The following PML variants were observed in gnomAD, a reference collection of about 807,000 sequenced individuals.
PML encodes the protein PML nuclear body scaffold.
In PML, 28 loss-of-function variants were observed where a neutral mutation model predicts 65.2. The ratio of observed to expected loss-of-function variants is 0.43; its 90% CI spans 0.32 to 0.59. The LOEUF (loss-of-function observed/expected upper bound fraction) is 0.59, where lower values mean the gene tolerates loss of function less well. Among genes scored for constraint, PML ranks in the 20% least tolerant of loss-of-function variants. The pLI is 0.08. For synonymous variants in PML, 500 were observed against 508.8 expected, an observed-to-expected ratio of 0.98 and a Z score of 0.23; for missense variants, 1,021 against 1,203.4, an observed-to-expected ratio of 0.85 and a Z score of 2.24.
Position 73,998,232 on chromosome 15 carries a change from C to A in PML, c.358C>A (p.Arg120=). The change falls in exon 2 of 9, where the codon CGG becomes AGG. Residue 120 remains arginine (R), a synonymous_variant. Coordinates refer to ENST00000268058, the MANE Select transcript of PML (RefSeq NM_033238.3). ...ESLQRRLSVY[R]QIVDAQAVCT... ...TCTGCAGCGGCGCCTGTCGGTGTAC[C>A]GGCAGATTGTGGATGCGCAGGCTGT... 1 of 1,614,180 alleles carries A rather than the reference C, an allele frequency of 6.2e-7. No individual in the cohort carries two copies. The highest frequency in any genetic ancestry group is 8.5e-7 in the Non-Finnish European group (1 of 1,180,022).
chr15:74,017,384 C>T (rs978153419), intron 2 of PML, among the ~76,000 whole-genome samples: 6 of 152,236 alleles, frequency 3.9e-5, no homozygotes, highest in African/African-American at 9.6e-5. Context: ...CAGTGGCTCA[C>T]GCCTGTGATC....
chr15:74,011,997 C>T (rs2070354395), intron 2 of PML, among the ~76,000 whole-genome samples: 1 of 152,194 alleles, frequency 6.6e-6, no homozygotes, highest in Non-Finnish European at 1.5e-5. Context: ...TAGAGTGTAT[C>T]TTAAGTAAGC....
chr15:74,037,631 G>A lies in PML; in HGVS notation c.1710+3101G>A, dbSNP rs1407997139. On this transcript the variant is annotated intron_variant, in intron 7 of 8. Transcript: ENST00000268058. This position sits in a 1 kb window ranked among gnomAD's most constrained non-coding sequence, Gnocchi z 4.2. Reference sequence around the variant, plus strand: ...CCGCCAGTACCAGGGTGGCCTCTGTGCCTCTAGGTGCAGTGTCGCGTTTAG... The same window carrying A: ...CCGCCAGTACCAGGGTGGCCTCTGTACCTCTAGGTGCAGTGTCGCGTTTAG... 4 of 985,226 alleles carry A rather than the reference G, an allele frequency of 4.1e-6. No individual in the cohort carries two copies. The highest frequency in any genetic ancestry group is 6.1e-5 in the Admixed American group (1 of 16,266). 61.0% of individuals were successfully genotyped at this position (985,226 alleles called of 1,614,324 possible).
At chr15:74,026,677 G>A (rs1332880316) in intron 4 of PML, 1 of 152,088 alleles carries the variant, frequency 6.6e-6, no homozygotes, top group African/African-American at 2.4e-5. Context: ...TTTTGAGACA[G>A]TCTTGCTCTG....
intron 1 of PML, among the ~76,000 whole-genome samples, chr15:73,995,692 T>TATTAA (rs2069450320): frequency 6.6e-6 from 1 of 152,344 alleles, no homozygotes; most frequent in East Asian, 1.9e-4. Context: ...CCAGGTACTG[T>TATTAA]ATTAAGCACT....
chr15:74,037,905 C>A lies in PML; in HGVS notation c.1710+3375C>A, dbSNP rs774955600. Among the ~76,000 whole-genome samples, 1 of 152,172 alleles carries A rather than the reference C, an allele frequency of 6.6e-6. No homozygotes were observed. Among genetic ancestry groups the A allele is most frequent in the African/African-American group, 2.4e-5 (1 of 41,424 alleles). ...ATACCCAACACTCGCACCTGCCTGC[C>A]AGACCAGCATGGCCAGTGACCTTCC... On this transcript the variant is annotated intron_variant, in intron 7 of 8. Transcript: ENST00000268058. This position sits in a 1 kb window ranked among gnomAD's most constrained non-coding sequence, Gnocchi z 4.2.
At chr15:73,999,767 T>G (rs1003559710) in intron 2 of PML, among the ~76,000 whole-genome samples, 4 of 152,192 alleles carry the variant, frequency 2.6e-5, no homozygotes, top group African/African-American at 9.7e-5. Flanking sequence ...TGATTGAAAT[T>G]GCAATAAATT....
rs1449998975 is a variant in PML at position 73,998,369 on chromosome 15, C to T, written c.495C>T (p.Pro165=). The change falls in exon 2 of 9, where the codon CCC becomes CCT. Residue 165 remains proline (P), a synonymous_variant. Transcript: ENST00000268058. ...HQWFLKHEAR[P]LAELRNQSVR... ...GGTTCCTCAAGCACGAGGCCCGGCC[C>T]CTAGCAGAGCTGCGCAACCAGTCGG... is the stretch of plus-strand genomic sequence containing the variant. The T allele has an allele frequency of 1.2e-6, 2 of 1,614,174 alleles. No homozygotes were observed.
chr15:74,034,546 G>A lies in PML; in HGVS notation c.1710+16G>A, dbSNP rs199650015. On this transcript the variant is annotated intron_variant, in intron 7 of 8. Transcript: ENST00000268058. ...CGAAAACTCGGTGAGTGGCCCAGAAGTTCAGCCCAGGACTCCTGCCTCCCC... is the reference window on the plus strand; with the variant it reads ...CGAAAACTCGGTGAGTGGCCCAGAAATTCAGCCCAGGACTCCTGCCTCCCC... 2.0e-5 allele frequency: 32 copies of A among 1,614,172 alleles called. No individual in the cohort carries two copies. The African/African-American group carries it at 3.6e-4, about 18-fold the overall frequency.
At chr15:74,044,179 CTG>C in intron 8 of PML, 40 bp from the exon 9 acceptor site, 1 of 1,603,172 alleles carries the variant, frequency 6.2e-7, no homozygotes, top group Non-Finnish European at 8.5e-7. Context: ...CCAGAGCTCT[CTG>C]TGACCCTGGG....
chr15:74,019,655 A>T (rs1187833289), intron 2 of PML, among the ~76,000 whole-genome samples: 1 of 152,200 alleles, frequency 6.6e-6, no homozygotes, highest in South Asian at 2.1e-4. Flanking sequence ...GTAGCATCTG[A>T]TACACACATT....
chr15:74,017,282 C>T (rs925397763), intron 2 of PML, among the ~76,000 whole-genome samples: 1 of 152,214 alleles, frequency 6.6e-6, no homozygotes, highest in African/African-American at 2.4e-5. Flanking sequence ...TAACTTCATT[C>T]CTGCCCCCTA....
intron 6 of PML, chr15:74,034,047 C>T (rs1239282784): frequency 1.2e-5 from 4 of 346,776 alleles, no homozygotes; most frequent in Non-Finnish European, 2.2e-5. Context: ...ATATTCCTTA[C>T]CCACAAATGC....
In PML at chr15:73,994,719, T is replaced by G. The variant is rs918018116; in HGVS notation, c.-94T>G. 3.5e-5 allele frequency: 48 copies of G among 1,371,586 alleles called. No homozygotes were observed. The highest frequency in any genetic ancestry group is 3.1e-5 in the Non-Finnish European group (31 of 985,592). 85.0% of individuals were successfully genotyped at this position (1,371,586 alleles called of 1,614,324 possible). Reference sequence around the variant, plus strand: ...GCCGGCACCTCCCCTTTCGGACAGCTCAAGGGACTCAGCCAACTGGCTCAC... The same window carrying G: ...GCCGGCACCTCCCCTTTCGGACAGCGCAAGGGACTCAGCCAACTGGCTCAC... On this transcript the variant is annotated 5_prime_UTR_variant, in exon 1 of 9. Coordinates refer to ENST00000268058, the MANE Select transcript of PML (RefSeq NM_033238.3).
chr15:74,001,588 G>A (rs1278924136), intron 2 of PML, among the ~76,000 whole-genome samples: 1 of 151,978 alleles, frequency 6.6e-6, no homozygotes, highest in Non-Finnish European at 1.5e-5. Context: ...TGATCCACCC[G>A]CCTCAGTCTC....
At position 74,033,380 on chromosome 15, in the gene PML, C is replaced by G. The variant is rs2071404563; in HGVS notation, c.1623C>G (p.Asn541Lys). Residue 541 changes from asparagine to lysine, a missense_variant, in exon 6 of 9, where the codon AAC (asparagine) becomes AAG (lysine). By Grantham distance (94) the Asn-to-Lys change is moderately conservative. Coordinates refer to ENST00000268058, the MANE Select transcript of PML (RefSeq NM_033238.3). Reference protein sequence around the residue: ...PVIGSEVFLPNSNHVASGAGE... With the variant: ...PVIGSEVFLPKSNHVASGAGE... ...TAGGAAGTGAGGTCTTCCTGCCCAACAGCAACCACGTGGCCAGTGGCGCCG... is the reference window on the plus strand; with the variant it reads ...TAGGAAGTGAGGTCTTCCTGCCCAAGAGCAACCACGTGGCCAGTGGCGCCG... The G allele has an allele frequency of 6.2e-7, 1 of 1,613,096 alleles. No homozygotes were observed. Among genetic ancestry groups the G allele is most frequent in the East Asian group, 2.2e-5 (1 of 44,838 alleles).
rs780649478 is a variant in PML at position 74,044,574 on chromosome 15, A to C, written c.2215A>C (p.Ser739Arg). The C allele has an allele frequency of 2.6e-5, 42 of 1,611,016 alleles. No individual in the cohort carries two copies. In the South Asian group the frequency reaches 4.5e-4, roughly 17 times the overall value. Residue 739 changes from serine to arginine, a missense_variant, in exon 9 of 9, where the codon AGC (serine) becomes CGC (arginine). Physicochemically the swap from Ser to Arg is moderately radical, Grantham distance 110 (BLOSUM62 -1). Transcript: ENST00000268058. Reference protein sequence around the residue: ...LAQTYLARNMSERSAMAAVLA... With the variant: ...LAQTYLARNMRERSAMAAVLA... ...CCAGACCTACCTGGCGAGAAACATG[A>C]GCGAGCGCAGCGCCATGGCTGCCGT... is the stretch of plus-strand genomic sequence containing the variant.
chr15:74,013,213 TCTTC>T (rs1231766490), intron 2 of PML, among the ~76,000 whole-genome samples: 1 of 152,224 alleles, frequency 6.6e-6, no homozygotes. Flanking sequence ...ATCTTCCTTT[TCTTC>T]CTTCTCATTT....
Position 74,043,688 on chromosome 15 carries a change from A to G in PML, c.1862-533A>G. ...GGCCCTACCCTGTGGCATGGACTCA[A>G]CATTGGGGCTAGCCCAGCCAGACAG... On this transcript the variant is annotated intron_variant, in intron 8 of 8. Transcript: ENST00000268058. This position sits in a 1 kb window ranked among gnomAD's most constrained non-coding sequence, Gnocchi z 4.3. The G allele has an allele frequency of 1.9e-6, 1 of 531,684 alleles. No individual in the cohort carries two copies. The highest frequency in any genetic ancestry group is 1.9e-5 in the African/African-American group (1 of 52,616). 32.9% of individuals were successfully genotyped at this position (531,684 alleles called of 1,614,324 possible).
Sources: allele counts gnomAD v4.1 joint callset (sites outside exome capture counted in the v4.1 genomes callset), GRCh38; gene constraint gnomAD v4.1.1; non-coding constraint Gnocchi (gnomAD v3.1); transcripts MANE v1.5; gene names NCBI Gene and HGNC (gene_info 2026-07-23, HGNC 2026-07-21).